The following KLHL41 variants were observed in gnomAD, a reference collection of about 807,000 sequenced individuals.
KLHL41 encodes kelch like family member 41.
A neutral mutation model predicts 49.2 loss-of-function variants in KLHL41; 31 were observed. The ratio of observed to expected loss-of-function variants is 0.63; its 90% confidence interval spans 0.47 to 0.85. The LOEUF is 0.85. Ranked by LOEUF, KLHL41 falls within the 40% of genes least tolerant of loss-of-function variation. The pLI is 0.00. For missense variants in KLHL41, 663 were observed against 726.7 expected (o/e 0.91, Z 1.01); for synonymous variants, 218 against 258.5 (o/e 0.84, Z 1.50).
chr2:169,523,298 T>A (rs183053194), intron 5 of KLHL41, among the ~76,000 whole-genome samples: 1 of 152,338 alleles, frequency 6.6e-6, no homozygotes, highest in Admixed American at 6.5e-5. Flanking sequence ...TGCCTGCACG[T>A]TCGAATCACC....
rs911075501 is a variant in KLHL41 at position 169,514,898 on chromosome 2, A to G, written c.1313A>G (p.Tyr438Cys). Residue 438 changes from tyrosine (Y) to cysteine (C), a missense_variant, in exon 3 of 6, where the codon TAT becomes TGT. This residue lies in a region of KLHL41 where 528 missense variants were observed against 581.0 expected (regional missense o/e 0.91). Coordinates refer to ENST00000284669, the MANE Select transcript of KLHL41 (RefSeq NM_006063.3). ...GTAAAAAAACTCCCTATCAAAGTCT[A>G]TGGCCATAATGTGATTTCACATAAA... ...NEVKKLPIKV[Y>C]GHNVISHKGM... The G allele has an allele frequency of 3.7e-6, 6 of 1,611,358 alleles. No homozygotes were observed. The highest frequency in any genetic ancestry group is 1.3e-5 in the African/African-American group (1 of 74,722).
chr2:169,513,116 G>T (rs953664889), intron 1 of KLHL41, among the ~76,000 whole-genome samples: 20 of 152,156 alleles, frequency 1.3e-4, no homozygotes, highest in African/African-American at 4.6e-4. Context: ...TGGGAAGGTA[G>T]GCAGTACTGT....
chr2:169,525,759 TTC>T lies in KLHL41; in HGVS notation c.*65_*66del. ...GTTTGGTGAATGGGGCTTTAATTTA[TTC>T]TGTTTTTTAAAAGCTTGTACAGACA... On this transcript the variant is annotated 3_prime_UTR_variant, in exon 6 of 6. Coordinates refer to ENST00000284669, the MANE Select transcript of KLHL41 (RefSeq NM_006063.3). The T allele has an allele frequency of 1.1e-6, 1 of 913,802 alleles. No homozygotes were observed. The highest frequency in any genetic ancestry group is 2.0e-5 in the Admixed American group (1 of 49,164). 56.6% of individuals were successfully genotyped at this position (913,802 alleles called of 1,614,324 possible).
rs140058428 is a variant in KLHL41 at position 169,522,437 on chromosome 2, G to A, written c.1709+1430G>A. On this transcript the variant is annotated intron_variant, in intron 5 of 5. Transcript: ENST00000284669. Reference sequence around the variant, plus strand: ...AGATTTCCACGGAGCAAAGAGGCTAGAATTAGCAAAACAGTGAGATGGGGA... The same window carrying A: ...AGATTTCCACGGAGCAAAGAGGCTAAAATTAGCAAAACAGTGAGATGGGGA... Among the ~76,000 whole-genome samples, 143 of 152,272 alleles carry A rather than the reference G, an allele frequency of 9.4e-4. 3 individuals are homozygous for A. In the East Asian group the frequency reaches 0.025, roughly 27 times the overall value.
At chr2:169,519,336 T>A (rs1684164356) in intron 4 of KLHL41, among the ~76,000 whole-genome samples, 1 of 152,180 alleles carries the variant, frequency 6.6e-6, no homozygotes, top group South Asian at 2.1e-4. Flanking sequence ...CATGTATGCC[T>A]GACTACAAAA....
intron 3 of KLHL41, among the ~76,000 whole-genome samples, chr2:169,516,205 T>C (rs1373188879): frequency 6.6e-6 from 1 of 152,234 alleles, no homozygotes; most frequent in Non-Finnish European, 1.5e-5. Context: ...TTTAGAATTG[T>C]AAGGGCAAAG....
rs76033704 is a variant in KLHL41, at chr2:169,518,559, T to C, written c.1562+184T>C. 2.2e-3 allele frequency among the ~76,000 whole-genome samples: 337 copies of C among 152,358 alleles called. 4 individuals carry two copies. The East Asian group carries it at 0.058, about 26-fold the overall frequency. On this transcript the variant is annotated intron_variant, in intron 4 of 5. Coordinates refer to ENST00000284669, the MANE Select transcript of KLHL41 (RefSeq NM_006063.3). ...TACTGGATGTAAATCTTGTCTAACA[T>C]TCTGATGCATTATATGTCTGTAATC... is the stretch of plus-strand genomic sequence containing the variant.
chr2:169,514,225 C>T (rs1684072019), intron 1 of KLHL41: 2 of 188,634 alleles, frequency 1.1e-5, no homozygotes, highest in Non-Finnish European at 2.2e-5. Context: ...TCCCCAGTGT[C>T]CTAAAAGTAT....
At chr2:169,513,565 T>C (rs1348808804) in intron 1 of KLHL41, among the ~76,000 whole-genome samples, 2 of 152,172 alleles carry the variant, frequency 1.3e-5, no homozygotes, top group African/African-American at 2.4e-5. Flanking sequence ...TAGCGCTTTG[T>C]TTAACTGAGG....
chr2:169,514,542 G>T lies in KLHL41; in HGVS notation c.1111-32G>T, dbSNP rs371555160. The T allele has an allele frequency of 4.8e-5, 76 of 1,577,866 alleles. No individual in the cohort carries two copies. In the African/African-American group the frequency reaches 9.2e-4, roughly 19 times the overall value. ...TGTACTTCTAATTTTTTTCTAACAG[G>T]CTCCACAATCTCTCATATATGTTTT... On this transcript the variant is annotated intron_variant, in intron 1 of 5. Coordinates refer to ENST00000284669, the MANE Select transcript of KLHL41 (RefSeq NM_006063.3).
intron 4 of KLHL41, among the ~76,000 whole-genome samples, chr2:169,520,290 G>GTGTGTGTGTGTGTGTGTA (rs1684181880): frequency 8.8e-6 from 1 of 113,104 alleles, no homozygotes; most frequent in Non-Finnish European, 2.0e-5. Flanking sequence ...GTGTGTGTGT[G>GTGTGTGTGTGTGTGTGTA]TGTGTGTGTG....
chr2:169,518,842 GTT>G (rs1044941011), intron 4 of KLHL41, among the ~76,000 whole-genome samples: 4 of 151,940 alleles, frequency 2.6e-5, no homozygotes, highest in African/African-American at 4.8e-5. Context: ...GCTAATTTTT[GTT>G]TTTGTTTTTG....
At chr2:169,517,301 A>G (rs1387203186) in intron 3 of KLHL41, among the ~76,000 whole-genome samples, 1 of 152,120 alleles carries the variant, frequency 6.6e-6, no homozygotes, top group Admixed American at 6.5e-5. Flanking sequence ...ACTTCAAGGA[A>G]CCATAAAAAA....
At chr2:169,518,169 C>T in intron 3 of KLHL41, 21 bp from the exon 4 acceptor site, 8 of 1,589,116 alleles carry the variant, frequency 5.0e-6, no homozygotes, top group Non-Finnish European at 6.9e-6. Flanking sequence ...CTAAAAGGAA[C>T]ATTTGTTTTT....
chr2:169,518,271 C>T lies in KLHL41; in HGVS notation c.1458C>T (p.Ser486=), dbSNP rs1362161270. ...KDLAPMKIPR[S]MFGVAVHKGK... is the part of the protein sequence containing the mutation. ...TGGCTCCAATGAAAATTCCTCGTTCCATGTTTGGAGTAGCAGTCCATAAAG... is the reference window on the plus strand; with the variant it reads ...TGGCTCCAATGAAAATTCCTCGTTCTATGTTTGGAGTAGCAGTCCATAAAG... The change falls in exon 4 of 6, where the codon TCC becomes TCT. Residue 486 remains serine, a synonymous_variant. Coordinates refer to ENST00000284669, the MANE Select transcript of KLHL41 (RefSeq NM_006063.3). 6.2e-7 allele frequency: 1 copy of T among 1,613,854 alleles called. No homozygotes were observed. Among genetic ancestry groups the T allele is most frequent in the East Asian group, 2.2e-5 (1 of 44,876 alleles).
intron 1 of KLHL41, among the ~76,000 whole-genome samples, chr2:169,513,385 C>T (rs1424926819): frequency 1.3e-5 from 2 of 152,144 alleles, no homozygotes; most frequent in Non-Finnish European, 2.9e-5. Context: ...AGTCAAAACC[C>T]CATAAATGTT....
intron 3 of KLHL41, among the ~76,000 whole-genome samples, chr2:169,515,606 AT>A: frequency 6.6e-6 from 1 of 152,208 alleles, no homozygotes; most frequent in East Asian, 1.9e-4. Flanking sequence ...CCATAAGTAG[AT>A]AAAAATTGAA....
chr2:169,524,285 G>T lies in KLHL41; in HGVS notation c.1710-1300G>T, dbSNP rs74769158. 6.9e-3 allele frequency among the ~76,000 whole-genome samples: 1,048 copies of T among 152,156 alleles called. 15 individuals carry two copies. Among genetic ancestry groups the T allele is most frequent in the African/African-American group, 0.024 (1,004 of 41,502 alleles). On this transcript the variant is annotated intron_variant, in intron 5 of 5. Transcript: ENST00000284669. ...TATGCTTTCCTCTACATAAAAATCAGTGCATGGTACAATTATTGAGAACTA... is the reference window on the plus strand; with the variant it reads ...TATGCTTTCCTCTACATAAAAATCATTGCATGGTACAATTATTGAGAACTA...
chr2:169,523,722 T>C (rs1684238020), intron 5 of KLHL41, among the ~76,000 whole-genome samples: 1 of 152,298 alleles, frequency 6.6e-6, no homozygotes, highest in South Asian at 2.1e-4. Flanking sequence ...TCTACTACAG[T>C]GGTTCCCAAA....
Sources: allele counts gnomAD v4.1 joint callset (sites outside exome capture counted in the v4.1 genomes callset), GRCh38; gene constraint gnomAD v4.1.1; regional missense constraint gnomAD v4.1.1; transcripts MANE v1.5; gene names NCBI Gene and HGNC (gene_info 2026-07-23, HGNC 2026-07-21).